The following CSMD1 variants were observed in gnomAD, a reference collection of about 807,000 sequenced individuals.
CSMD1 encodes CUB and sushi domain-containing protein 1.
Under a neutral mutation model 417.5 loss-of-function variants are expected in CSMD1, and 213 were observed. That is an observed-to-expected ratio of 0.51 (90% CI 0.46 to 0.57). CSMD1 has a LOEUF of 0.57. Among genes scored for constraint, CSMD1 ranks in the 20% least tolerant of loss-of-function variants. CSMD1 has a pLI of 0.00. For missense variants in CSMD1, 6,923 were observed against 4,529.7 expected (o/e 1.53, Z -15.17); for synonymous variants, 2,862 against 1,736.8 (o/e 1.65, Z -16.11).
intron 5 of CSMD1, among the ~76,000 whole-genome samples, chr8:3,808,612 T>C (rs1382330047): frequency 6.6e-6 from 1 of 152,214 alleles, no homozygotes; most frequent in African/African-American, 2.4e-5. Context: ...GTCACTATTA[T>C]CAAATACTAT....
At chr8:4,783,823 G>A (rs1217743910) in intron 1 of CSMD1, among the ~76,000 whole-genome samples, 1 of 152,130 alleles carries the variant, frequency 6.6e-6, no homozygotes, top group Non-Finnish European at 1.5e-5. Context: ...ACCAGCCTAA[G>A]GAAAACATTC....
chr8:3,665,634 A>G (rs1026631818), intron 7 of CSMD1, among the ~76,000 whole-genome samples: 4 of 152,238 alleles, frequency 2.6e-5, no homozygotes, highest in Admixed American at 2.0e-4. Flanking sequence ...ATAATCCCTG[A>G]GAGAAATATT....
intron 12 of CSMD1, among the ~76,000 whole-genome samples, chr8:3,435,577 A>G (rs1814507103): frequency 6.6e-6 from 1 of 151,912 alleles, no homozygotes. Context: ...ACATCTCGTC[A>G]TGTCTGTCTT....
intron 3 of CSMD1, among the ~76,000 whole-genome samples, chr8:4,231,247 C>A (rs888193012): frequency 6.6e-6 from 1 of 152,142 alleles, no homozygotes. Flanking sequence ...CTGCCGCCAT[C>A]ATGGAAGGAA....
chr8:4,865,544 T>C (rs1361332594), intron 1 of CSMD1, among the ~76,000 whole-genome samples: 1 of 151,922 alleles, frequency 6.6e-6, no homozygotes, highest in African/African-American at 2.4e-5. Flanking sequence ...TGGAGAAGAA[T>C]GTCGCTCATC....
chr8:3,851,896 T>A (rs1803934510), intron 5 of CSMD1, among the ~76,000 whole-genome samples: 1 of 152,076 alleles, frequency 6.6e-6, no homozygotes, highest in African/African-American at 2.4e-5. Flanking sequence ...GGATCAGAGA[T>A]TCTGGCGGGG....
At chr8:3,382,967 G>T (rs1455567278) in intron 18 of CSMD1, among the ~76,000 whole-genome samples, 1 of 152,108 alleles carries the variant, frequency 6.6e-6, no homozygotes, top group African/African-American at 2.4e-5. Context: ...TCACAGGCAT[G>T]GCCACTTAAA....
intron 1 of CSMD1, among the ~76,000 whole-genome samples, chr8:4,889,172 G>A (rs140189219): frequency 4.6e-5 from 7 of 152,192 alleles, no homozygotes; most frequent in African/African-American, 1.4e-4. Context: ...ACTTTAAGGT[G>A]GAGAATACTG....
At chr8:4,203,996 A>G (rs1466119245) in intron 3 of CSMD1, among the ~76,000 whole-genome samples, 1 of 152,092 alleles carries the variant, frequency 6.6e-6, no homozygotes, top group East Asian at 1.9e-4. Flanking sequence ...AGCTACTCGG[A>G]AGACTGAGGC....
At chr8:4,308,102 G>T (rs1346360149) in intron 3 of CSMD1, among the ~76,000 whole-genome samples, 2 of 152,146 alleles carry the variant, frequency 1.3e-5, no homozygotes, top group African/African-American at 4.8e-5. Context: ...TGGCAGAAGT[G>T]GAGAGGGTGG....
chr8:3,551,955 C>T (rs1798934379), intron 10 of CSMD1, among the ~76,000 whole-genome samples: 1 of 152,164 alleles, frequency 6.6e-6, no homozygotes, highest in Admixed American at 6.5e-5. Flanking sequence ...GAGGCTGCCA[C>T]TGTGGGAGCT....
intron 4 of CSMD1, among the ~76,000 whole-genome samples, chr8:4,026,533 A>C (rs902491825): frequency 2.0e-5 from 3 of 152,236 alleles, no homozygotes; most frequent in African/African-American, 7.2e-5. Flanking sequence ...AAAAGCAATA[A>C]ACAATGAAGG....
At chr8:3,342,820 G>A (rs1480307161) in intron 23 of CSMD1, among the ~76,000 whole-genome samples, 2 of 151,884 alleles carry the variant, frequency 1.3e-5, no homozygotes, top group African/African-American at 4.8e-5. Flanking sequence ...AAAGAAAATA[G>A]TTTACTACAT....
intron 18 of CSMD1, among the ~76,000 whole-genome samples, chr8:3,378,192 A>C (rs1001533564): frequency 6.6e-6 from 1 of 152,242 alleles, no homozygotes; most frequent in African/African-American, 2.4e-5. Context: ...AGTCTTGGCT[A>C]AACCAGGAAG....
At chr8:3,733,843 C>A (rs544854699) in intron 6 of CSMD1, among the ~76,000 whole-genome samples, 2 of 152,214 alleles carry the variant, frequency 1.3e-5, no homozygotes, top group Admixed American at 1.3e-4. Flanking sequence ...TTGTTTATCT[C>A]ATATGTGCCC....
At chr8:4,504,353 A>ACATG (rs1280797203) in intron 2 of CSMD1, among the ~76,000 whole-genome samples, 1 of 152,170 alleles carries the variant, frequency 6.6e-6, no homozygotes, top group African/African-American at 2.4e-5. Context: ...TTTAAGGGGT[A>ACATG]CATGGTTTGG....
At chr8:4,344,217 T>C (rs1199059510) in intron 3 of CSMD1, among the ~76,000 whole-genome samples, 1 of 152,138 alleles carries the variant, frequency 6.6e-6, no homozygotes, top group Non-Finnish European at 1.5e-5. Flanking sequence ...GAGACTTTCC[T>C]CTGTTTTCCC....
intron 1 of CSMD1, among the ~76,000 whole-genome samples, chr8:4,803,568 A>T (rs181859245): frequency 1.3e-5 from 2 of 152,310 alleles, no homozygotes; most frequent in Non-Finnish European, 2.9e-5. Flanking sequence ...TTATTTATAA[A>T]ATCGAAAGCC....
chr8:4,572,623 G>A (rs1320023969), intron 2 of CSMD1, among the ~76,000 whole-genome samples: 3 of 152,044 alleles, frequency 2.0e-5, no homozygotes, highest in African/African-American at 4.8e-5. Flanking sequence ...AGGAGTATCT[G>A]AGCGGTGTTC....
Sources: allele counts gnomAD v4.1 joint callset (sites outside exome capture counted in the v4.1 genomes callset), GRCh38; gene constraint gnomAD v4.1.1; transcripts MANE v1.5; gene names NCBI Gene and HGNC (gene_info 2026-07-23, HGNC 2026-07-21).